CLIC6: variants seen among roughly 807,000 people sequenced by gnomAD.
CLIC6 encodes the protein CLIC family member 6, also known as chloride intracellular channel protein 6.
CLIC6 carries 39 observed loss-of-function variants against 49.2 expected under a neutral mutation model. The observed-to-expected ratio is 0.79, with a 90% CI of 0.61 to 1.04. CLIC6 has a LOEUF of 1.04. Among genes scored for constraint, CLIC6 ranks in the 50% least tolerant of loss-of-function variants. CLIC6 has a pLI of 0.00. For missense variants in CLIC6, 988 were observed against 993.1 expected (o/e 0.99, Z 0.07); for synonymous variants, 446 against 433.4 (o/e 1.03, Z -0.36).
At chr21:34,705,578 T>C (rs1478393922) in intron 1 of CLIC6, among the ~76,000 whole-genome samples, 3 of 152,124 alleles carry the variant, frequency 2.0e-5, no homozygotes, top group Non-Finnish European at 4.4e-5. Flanking sequence ...GAGAGGAAAT[T>C]AATGCTGGCG....
intron 1 of CLIC6, among the ~76,000 whole-genome samples, chr21:34,680,549 A>G (rs1989758395): frequency 6.6e-6 from 1 of 152,176 alleles, no homozygotes; most frequent in Non-Finnish European, 1.5e-5. Flanking sequence ...TTTCTATCAC[A>G]TCATCAGGCT....
rs1989492351 is a variant in CLIC6 at position 34,669,719 on chromosome 21, G to C, written c.331G>C (p.Ala111Pro). 7.2e-7 allele frequency: 1 copy of C among 1,382,870 alleles called. No homozygotes were observed. Among genetic ancestry groups the C allele is most frequent in the East Asian group, 3.0e-5 (1 of 32,816 alleles). The allele number at this position is 1,382,870 out of a possible 1,614,324, so 85.7% of individuals were successfully genotyped here. ...ETSGAQQVEG[A>P]SPGRGAQGEP... ...AAGCGGCGCGCAGCAGGTGGAGGGGGCGAGCCCGGGACGCGGCGCGCAGGG... is the reference window on the plus strand; with the variant it reads ...AAGCGGCGCGCAGCAGGTGGAGGGGCCGAGCCCGGGACGCGGCGCGCAGGG... The change falls in exon 1 of 6, where the codon GCG becomes CCG. Residue 111 changes from alanine (A) to proline (P), a missense_variant. Ala to Pro is a conservative substitution (Grantham distance 27). Transcript: ENST00000349499.
At chr21:34,700,521 T>G (rs529973499) in intron 1 of CLIC6, among the ~76,000 whole-genome samples, 2 of 140,508 alleles carry the variant, frequency 1.4e-5, no homozygotes, top group Admixed American at 6.9e-5. Context: ...AGGGAAACCT[T>G]AGTGAGGACT....
At chr21:34,707,133 T>G (rs2056019734) in intron 1 of CLIC6, 147 bp from the exon 2 acceptor site, 2 of 673,510 alleles carry the variant, frequency 3.0e-6, no homozygotes, top group Non-Finnish European at 5.3e-6. Context: ...AACTCCACAT[T>G]GAGGCTGGTA....
In CLIC6 at chr21:34,670,704, G is replaced by A. The variant is rs1225857128; in HGVS notation, c.1316G>A (p.Gly439Glu). The change falls in exon 1 of 6, where the codon GGA (glycine) becomes GAA (glutamate). Residue 439 changes from glycine to glutamate, a missense_variant. Coordinates refer to ENST00000349499, the MANE Select transcript of CLIC6 (RefSeq NM_053277.3). ...CGCGTGAACGGCCGCCGGGAGGACGGAGAGGCGTCCGAGCCCCGGGCCCTG... is the reference window on the plus strand; with the variant it reads ...CGCGTGAACGGCCGCCGGGAGGACGAAGAGGCGTCCGAGCCCCGGGCCCTG... ...AARVNGRRED[G>E]EASEPRALGQ... is the part of the protein sequence containing the mutation. The A allele has an allele frequency of 6.3e-6, 10 of 1,592,788 alleles. No individual in the cohort carries two copies. Among genetic ancestry groups the A allele is most frequent in the African/African-American group, 2.7e-5 (2 of 74,572 alleles).
At position 34,670,627 on chromosome 21, in the gene CLIC6, C is replaced by T. The variant is rs1432099943; in HGVS notation, c.1239C>T (p.Leu413=). The change falls in exon 1 of 6, where the codon CTC becomes CTT. Residue 413 remains leucine, a synonymous_variant. Transcript: ENST00000349499. ...SRGAAEPEAQ[L]SNHLAEEGPA... ...GCGCCGCGGAGCCTGAGGCCCAGCT[C>T]AGCAACCACCTGGCCGAGGAGGGCC... 4 of 1,551,308 alleles carry T rather than the reference C, an allele frequency of 2.6e-6. No individual in the cohort carries two copies. The highest frequency in any genetic ancestry group is 3.5e-6 in the Non-Finnish European group (4 of 1,149,758).
chr21:34,692,594 C>T (rs946706370), intron 1 of CLIC6, among the ~76,000 whole-genome samples: 2 of 152,188 alleles, frequency 1.3e-5, no homozygotes, highest in African/African-American at 4.8e-5. Context: ...TCTGTTTACT[C>T]ACTAGTTTCA....
intron 1 of CLIC6, among the ~76,000 whole-genome samples, chr21:34,681,384 G>C (rs971215096): frequency 6.6e-6 from 1 of 152,198 alleles, no homozygotes; most frequent in Non-Finnish European, 1.5e-5. Context: ...AGATTTAGGT[G>C]GGAACACAGA....
chr21:34,695,842 T>G (rs1423629051), intron 1 of CLIC6, among the ~76,000 whole-genome samples: 2 of 152,194 alleles, frequency 1.3e-5, no homozygotes, highest in Non-Finnish European at 2.9e-5. Context: ...CGACATGAAA[T>G]GTGCTACTTG....
intron 1 of CLIC6, among the ~76,000 whole-genome samples, chr21:34,703,158 C>G (rs1293232879): frequency 1.3e-5 from 2 of 152,128 alleles, no homozygotes; most frequent in East Asian, 3.9e-4. Context: ...CCTGCCTCCT[C>G]GGTTGAAAGC....
intron 1 of CLIC6, among the ~76,000 whole-genome samples, chr21:34,678,375 G>A (rs1989714177): frequency 6.6e-6 from 1 of 151,968 alleles, no homozygotes; most frequent in Admixed American, 6.5e-5. Flanking sequence ...CCAGGAGGTG[G>A]AGCTTGCAGT....
intron 1 of CLIC6, among the ~76,000 whole-genome samples, chr21:34,697,249 A>G (rs989614533): frequency 7.2e-5 from 11 of 151,978 alleles, no homozygotes; most frequent in African/African-American, 2.7e-4. Context: ...TCTCTAGTTG[A>G]GCTGAGCAGC....
At chr21:34,693,690 C>T (rs146669998) in intron 1 of CLIC6, among the ~76,000 whole-genome samples, 1 of 152,260 alleles carries the variant, frequency 6.6e-6, no homozygotes, top group East Asian at 1.9e-4. Context: ...CCATTAGAAG[C>T]TGTGGCCCCA....
intron 1 of CLIC6, chr21:34,706,096 A>T: frequency 1.5e-6 from 1 of 679,372 alleles, no homozygotes; most frequent in Non-Finnish European, 2.7e-6. Flanking sequence ...TAATTTATAA[A>T]GAAAAGAGGC....
intron 1 of CLIC6, among the ~76,000 whole-genome samples, chr21:34,696,749 A>G (rs1045999627): frequency 6.6e-6 from 1 of 152,182 alleles, no homozygotes; most frequent in Admixed American, 6.5e-5. Flanking sequence ...ATTTTGCAAC[A>G]TAACCATTTT....
At chr21:34,688,337 T>C (rs972095019) in intron 1 of CLIC6, among the ~76,000 whole-genome samples, 1 of 152,192 alleles carries the variant, frequency 6.6e-6, no homozygotes, top group African/African-American at 2.4e-5. Flanking sequence ...GCTGTTGCTG[T>C]CCTCGCTGTC....
chr21:34,687,992 G>C (rs1989912137), intron 1 of CLIC6, among the ~76,000 whole-genome samples: 1 of 152,176 alleles, frequency 6.6e-6, no homozygotes, highest in South Asian at 2.1e-4. Context: ...CGCTCCACTG[G>C]GGGTATGCAG....
intron 5 of CLIC6, among the ~76,000 whole-genome samples, chr21:34,715,835 G>A (rs1183029789): frequency 6.6e-6 from 1 of 152,212 alleles, no homozygotes; most frequent in Non-Finnish European, 1.5e-5. Flanking sequence ...TGCTCTTAGT[G>A]GCAGCATGAT....
At position 34,709,407 on chromosome 21, in the gene CLIC6, A is replaced by G; in HGVS notation, c.1768A>G (p.Asn590Asp). ...CCTGAGGAAGCTGGATAATTACTTA[A>G]ATAGCCCTCTGCCTGATGAAATAGA... ...KALRKLDNYL[N>D]SPLPDEIDAY... The change falls in exon 5 of 6, where the codon AAT (asparagine) becomes GAT (aspartate). Residue 590 changes from asparagine to aspartate, a missense_variant. Asn to Asp is a conservative substitution (Grantham distance 23). Around this residue, in one of 3 missense-constraint regions of CLIC6, gnomAD observed 647 missense variants for 596.9 expected, o/e 1.08. Transcript: ENST00000349499. The G allele has an allele frequency of 6.2e-7, 1 of 1,614,096 alleles. No individual in the cohort carries two copies.
Sources: allele counts gnomAD v4.1 joint callset (sites outside exome capture counted in the v4.1 genomes callset), GRCh38; gene constraint gnomAD v4.1.1; regional missense constraint gnomAD v4.1.1; transcripts MANE v1.5; gene names NCBI Gene and HGNC (gene_info 2026-07-23, HGNC 2026-07-21).